The following CSMD3 variants were observed in gnomAD, a reference collection of about 807,000 sequenced individuals.
CSMD3 encodes the protein CUB and Sushi multiple domains 3.
CSMD3 carries 177 observed loss-of-function variants against 435.2 expected under a neutral mutation model. The ratio of observed to expected loss-of-function variants is 0.41; its 90% CI spans 0.36 to 0.46. CSMD3 has a LOEUF of 0.46. Among genes scored for constraint, CSMD3 ranks in the 20% least tolerant of loss-of-function variants. The pLI, the probability that CSMD3 is intolerant of heterozygous loss-of-function variation, is 0.34. For synonymous variants in CSMD3, 1,656 were observed against 1,520.5 expected (o/e 1.09, Z -2.07); for missense variants, 4,265 against 4,504.6 (o/e 0.95, Z 1.52).
At chr8:112,243,987 G>T (rs1814438860) in intron 65 of CSMD3, among the ~76,000 whole-genome samples, 3 of 152,126 alleles carry the variant, frequency 2.0e-5, no homozygotes, top group East Asian at 3.9e-4. Flanking sequence ...AAGAGGCAAA[G>T]AATGGTTTCT....
chr8:112,446,791 GA>G (rs1209497861), intron 32 of CSMD3, among the ~76,000 whole-genome samples: 1 of 152,154 alleles, frequency 6.6e-6, no homozygotes, highest in Non-Finnish European at 1.5e-5. Context: ...ACCAGATTAT[GA>G]AAATCATGTT....
rs911072979 is a variant in CSMD3 at position 113,411,947 on chromosome 8, T to C, written c.178+24730A>G. On this transcript the variant is annotated intron_variant, in intron 1 of 70. Coordinates refer to ENST00000297405, the MANE Select transcript of CSMD3 (RefSeq NM_198123.2). ...GGTTTTAGAAGCCAAAATACGTGAG[T>C]TGAAATCTTGTTTCTCACAGTTACT... Among the ~76,000 whole-genome samples, 4 of 152,094 alleles carry C rather than the reference T, an allele frequency of 2.6e-5. No homozygotes were observed. In the South Asian group the frequency reaches 6.2e-4, roughly 24 times the overall value.
At chr8:112,716,181 G>A (rs1156380267) in intron 13 of CSMD3, among the ~76,000 whole-genome samples, 1 of 152,112 alleles carries the variant, frequency 6.6e-6, no homozygotes, top group African/African-American at 2.4e-5. Flanking sequence ...AAACTCCATT[G>A]TCTCAGCCCA....
At chr8:113,201,270 A>T (rs1316360104) in intron 3 of CSMD3, among the ~76,000 whole-genome samples, 1 of 152,028 alleles carries the variant, frequency 6.6e-6, no homozygotes, top group Admixed American at 6.6e-5. Flanking sequence ...AATGAAATTC[A>T]TTGAGAGTGT....
chr8:112,300,293 T>C (rs945563039), intron 53 of CSMD3, among the ~76,000 whole-genome samples: 11 of 148,120 alleles, frequency 7.4e-5, no homozygotes, highest in African/African-American at 9.8e-5. Flanking sequence ...TATATAATTA[T>C]ATATAAATTT....
intron 27 of CSMD3, among the ~76,000 whole-genome samples, chr8:112,519,430 A>C (rs903203139): frequency 6.6e-6 from 1 of 152,170 alleles, no homozygotes; most frequent in African/African-American, 2.4e-5. Flanking sequence ...TGTCAATAAA[A>C]GATTACTTCC....
intron 11 of CSMD3, among the ~76,000 whole-genome samples, chr8:112,845,146 T>C (rs1192977756): frequency 1.3e-5 from 2 of 152,046 alleles, no homozygotes; most frequent in African/African-American, 4.8e-5. Context: ...CAAGCAACTA[T>C]TTTGTCTAGG....
intron 32 of CSMD3, among the ~76,000 whole-genome samples, chr8:112,444,186 G>C (rs569955024): frequency 6.6e-6 from 1 of 152,294 alleles, no homozygotes; most frequent in East Asian, 1.9e-4. Context: ...TTACCAAACA[G>C]AATGGCTGAA....
intron 13 of CSMD3, among the ~76,000 whole-genome samples, chr8:112,770,624 T>C (rs1358902784): frequency 6.6e-6 from 1 of 152,026 alleles, no homozygotes; most frequent in African/African-American, 2.4e-5. Flanking sequence ...TCAGTTCCAA[T>C]ATCTCTATTA....
Position 113,334,336 on chromosome 8 carries a change from G to A in CSMD3, c.179-19543C>T, listed in dbSNP as rs143207861. On this transcript the variant is annotated intron_variant, in intron 1 of 70. Transcript: ENST00000297405. ...TACCTGTTACATATTTCCTTGTATT[G>A]GGATGATATACTTATTTTGTATAAT... Among the ~76,000 whole-genome samples, 1,169 of 132,602 alleles carry A rather than the reference G, an allele frequency of 8.8e-3. 14 individuals are homozygous for A. The highest frequency in any genetic ancestry group is 0.031 in the African/African-American group (1,119 of 35,578). The allele number at this position is 132,602 out of a possible 152,430, so 87.0% of individuals were successfully genotyped here.
chr8:112,691,838 T>A (rs1390984769), intron 13 of CSMD3, among the ~76,000 whole-genome samples: 1 of 152,158 alleles, frequency 6.6e-6, no homozygotes, highest in Non-Finnish European at 1.5e-5. Context: ...TCTTACTCTG[T>A]CACCCAGGCT....
intron 5 of CSMD3, among the ~76,000 whole-genome samples, chr8:113,075,210 TTAA>T (rs1282256856): frequency 1.3e-5 from 2 of 151,788 alleles, no homozygotes; most frequent in African/African-American, 4.8e-5. Flanking sequence ...AAAACAAATT[TTAA>T]TAATCATATA....
At chr8:112,350,246 T>C in intron 40 of CSMD3, among the ~76,000 whole-genome samples, 1 of 151,162 alleles carries the variant, frequency 6.6e-6, no homozygotes. Context: ...ACGGTCATTG[T>C]GCAGAGTTAA....
chr8:113,237,151 A>C (rs2132222928), intron 3 of CSMD3, among the ~76,000 whole-genome samples: 1 of 152,336 alleles, frequency 6.6e-6, no homozygotes, highest in South Asian at 2.1e-4. Context: ...AGAAGTGATT[A>C]ACATGAAATA....
chr8:112,620,630 A>C (rs1305530741), intron 22 of CSMD3, among the ~76,000 whole-genome samples: 1 of 152,138 alleles, frequency 6.6e-6, no homozygotes, highest in African/African-American at 2.4e-5. Context: ...GAAATTAATC[A>C]ACTGACCACC....
intron 67 of CSMD3, 43 bp downstream of exon 67, chr8:112,237,147 A>T: frequency 6.3e-7 from 1 of 1,586,686 alleles, no homozygotes. Flanking sequence ...TAATAGAAAT[A>T]AAGTCATGAA....
intron 2 of CSMD3, among the ~76,000 whole-genome samples, chr8:113,291,579 T>C (rs1016430553): frequency 6.6e-6 from 1 of 151,810 alleles, no homozygotes; most frequent in African/African-American, 2.4e-5. Flanking sequence ...AATTTGGGAT[T>C]CCTTTGAGAG....
At chr8:112,815,917 A>G (rs2079362717) in intron 12 of CSMD3, among the ~76,000 whole-genome samples, 1 of 152,146 alleles carries the variant, frequency 6.6e-6, no homozygotes, top group South Asian at 2.1e-4. Context: ...TCTGCGTTCC[A>G]AGAGCATATA....
chr8:113,222,896 G>A (rs544896790), intron 3 of CSMD3, among the ~76,000 whole-genome samples: 54 of 150,554 alleles, frequency 3.6e-4, no homozygotes, highest in South Asian at 2.1e-3. Context: ...ATGATATTTC[G>A]GCTTATTTTG....
Sources: gnomAD v4.1 joint callset for allele counts (sites outside exome capture counted in the v4.1 genomes callset) on GRCh38, gnomAD v4.1.1 for gene constraint, MANE v1.5 for transcripts, NCBI Gene and HGNC (gene_info 2026-07-23, HGNC 2026-07-21) for gene names.